MTERF4: variants seen among roughly 807,000 people sequenced by gnomAD.
MTERF4 encodes transcription termination factor 4, mitochondrial.
Under a neutral mutation model 22.5 loss-of-function variants are expected in MTERF4, and 17 were observed. The observed-to-expected ratio is 0.75, with a 90% CI of 0.52 to 1.13. MTERF4 has a LOEUF of 1.13. Ranked by LOEUF, MTERF4 falls within the 50% of genes most tolerant of loss-of-function variation. The probability of loss-of-function intolerance (pLI) is 0.00; values close to 1 mark genes in which losing one functional copy is unlikely to be tolerated. For synonymous variants in MTERF4, 165 were observed against 175.3 expected (o/e 0.94, Z 0.47); for missense variants, 420 against 466.8 (o/e 0.90, Z 0.92).
At chr2:241,072,485 T>C (rs2062781446) in exon 5 of MTERF4, 2 of 341,420 alleles carry the variant, frequency 5.9e-6, no homozygotes, top group South Asian at 2.2e-5. Flanking sequence ...GGCCCTTGCC[T>C]CTCACCTGGA....
At chr2:241,090,040 T>C (rs749798814), downstream of MTERF4, 5 of 1,545,120 alleles carry the variant, frequency 3.2e-6, no homozygotes, top group Non-Finnish European at 4.4e-6. Context: ...AATAATAAAT[T>C]AGTCCTGCAA....
downstream of MTERF4, among the ~76,000 whole-genome samples, chr2:241,084,994 A>C (rs1380944073): frequency 1.3e-5 from 2 of 151,980 alleles, no homozygotes; most frequent in Non-Finnish European, 2.9e-5. Context: ...GACTGCAGTC[A>C]TTCTTACCTG....
At chr2:241,048,965 C>T in the MTERF4 span, 1 of 1,470,016 alleles carries the variant, frequency 6.8e-7, no homozygotes, top group Non-Finnish European at 9.3e-7. Context: ...GACAAGGACT[C>T]GAGGTCTGCT....
chr2:241,081,576 C>A, intron 4 of MTERF4: 1 of 856,212 alleles, frequency 1.2e-6, no homozygotes, highest in Non-Finnish European at 1.9e-6. Context: ...GAGTGCACGG[C>A]CACCCTGCAT....
At chr2:241,049,872 C>G in the MTERF4 span, 1 of 1,613,868 alleles carries the variant, frequency 6.2e-7, no homozygotes, top group Non-Finnish European at 8.5e-7. Context: ...CCTGCGATGC[C>G]CATGACGACT....
chr2:241,084,134 A>ATTTTT (rs368364855), downstream of MTERF4, among the ~76,000 whole-genome samples: 11,446 of 122,794 alleles, frequency 0.093, 677 homozygotes, highest in East Asian at 0.17. Context: ...AGCGTCTAGG[A>ATTTTT]TTTTTTTTTT....
downstream of MTERF4, among the ~76,000 whole-genome samples, chr2:241,069,634 CTG>C (rs1278767277): frequency 6.6e-6 from 1 of 152,190 alleles, no homozygotes; most frequent in African/African-American, 2.4e-5. This position sits in a 1 kb window ranked among gnomAD's most constrained non-coding sequence, Gnocchi z 4.9. Context: ...GGGGAACCGA[CTG>C]TGCCGCAGGG....
chr2:241,100,559 G>C (rs1010564466), intron 1 of MTERF4, among the ~76,000 whole-genome samples: 2 of 152,136 alleles, frequency 1.3e-5, no homozygotes, highest in African/African-American at 4.8e-5. Flanking sequence ...GACTTCCCCA[G>C]GCTGAGGTAA....
downstream of MTERF4, chr2:241,093,435 A>C (rs1049158452): frequency 1.3e-5 from 2 of 150,686 alleles, no homozygotes; most frequent in African/African-American, 5.0e-5. Context: ...GCAAATGCTA[A>C]TATGCTCCAG....
chr2:241,065,658 C>G, the MTERF4 span: 1 of 1,429,386 alleles, frequency 7.0e-7, no homozygotes. Flanking sequence ...AGCGCTGGCC[C>G]CGGCACCTGC....
chr2:241,054,871 CTT>C, the MTERF4 span, among the ~76,000 whole-genome samples: 10 of 152,276 alleles, frequency 6.6e-5, no homozygotes, highest in South Asian at 2.1e-3. Context: ...AATCCCAGCA[CTT>C]TGGGAGGCCG....
the MTERF4 span, chr2:241,048,754 C>T: frequency 1.2e-6 from 2 of 1,610,914 alleles, no homozygotes; most frequent in African/African-American, 1.3e-5. Flanking sequence ...CTTTGGGCTT[C>T]TCTGTGAATT....
In MTERF4 at chr2:241,078,251, C is replaced by T. The variant is rs182324657; in HGVS notation, n.480-2569G>A. On this transcript the variant is annotated intron_variant and non_coding_transcript_variant, in intron 4 of 4. Coordinates refer to the MTERF4 transcript ENST00000464344. ...TACAAAAATTAGCTGGGCGTGGTGG[C>T]GGGCGCCTGTAGTCCCAGCTCCTCA... Among the ~76,000 whole-genome samples the T allele has an allele frequency of 4.7e-4, 71 of 151,622 alleles. 1 individual carries two copies. The highest frequency in any genetic ancestry group is 3.5e-3 in the East Asian group (18 of 5,170).
the MTERF4 span, among the ~76,000 whole-genome samples, chr2:241,066,503 A>G: frequency 1.9e-4 from 29 of 152,326 alleles, no homozygotes; most frequent in African/African-American, 6.0e-4. Context: ...CCATGGGGCC[A>G]TGGGACTCTC....
downstream of MTERF4, among the ~76,000 whole-genome samples, chr2:241,082,758 A>C (rs567039329): frequency 6.6e-6 from 1 of 152,312 alleles, no homozygotes; most frequent in East Asian, 1.9e-4. Context: ...TTCTGCCATT[A>C]ACTCATGATG....
At chr2:241,102,206 C>T in intron 1 of MTERF4, 47 bp downstream of exon 1, 1 of 1,547,702 alleles carries the variant, frequency 6.5e-7, no homozygotes, top group Non-Finnish European at 8.7e-7. Flanking sequence ...CGTCGCTGCC[C>T]GCCCGCCTGC....
chr2:241,059,443 C>T, the MTERF4 span, among the ~76,000 whole-genome samples: 199 of 152,292 alleles, frequency 1.3e-3, no homozygotes, highest in African/African-American at 4.4e-3. Context: ...GATAACTTCT[C>T]AACTCACCTT....
In MTERF4 at chr2:241,097,379, C is replaced by T. The variant is rs370139909; in HGVS notation, c.569G>A (p.Arg190His). ...LYCCPEIFTM[R>H]QQDINDTVRL... ...GACAGTGTCGTTAATGTCCTGCTGG[C>T]GCATGGTGAAAATTTCAGGGCAACA... The change falls in exon 3 of 4, where the codon CGC (arginine) becomes CAC (histidine). Residue 190 changes from arginine to histidine, a missense_variant. Arg to His is a conservative substitution (Grantham distance 29). Transcript: ENST00000391980. 1.7e-5 allele frequency: 27 copies of T among 1,614,166 alleles called. No individual in the cohort carries two copies. The highest frequency in any genetic ancestry group is 8.8e-5 in the South Asian group (8 of 91,076).
chr2:241,099,811 C>T lies in MTERF4; in HGVS notation c.105G>A (p.Thr35=), dbSNP rs775619692. 16 of 1,613,988 alleles carry T rather than the reference C, an allele frequency of 9.9e-6. No individual in the cohort carries two copies. The highest frequency in any genetic ancestry group is 7.7e-5 in the South Asian group (7 of 91,078). Residue 35 remains threonine (T), a synonymous_variant, in exon 2 of 4, where the codon ACG becomes ACA. Transcript: ENST00000391980. ...QTPHLGEQRR[T]TASLLRKLTT... ...TCAGTTTGCGCAACAAAGAAGCTGT[C>T]GTCCTTCTCTGTTCTCCAAGATGAG...
Sources: gnomAD v4.1 joint callset for allele counts (sites outside exome capture counted in the v4.1 genomes callset) on GRCh38, gnomAD v4.1.1 for gene constraint, Gnocchi (gnomAD v3.1) non-coding constraint, MANE v1.5 for transcripts, NCBI Gene and HGNC (gene_info 2026-07-23, HGNC 2026-07-21) for gene names.